The following RANBP2 variants were observed in gnomAD, a reference collection of about 807,000 sequenced individuals.
RANBP2 encodes the protein E3 SUMO-protein ligase RanBP2.
RANBP2 carries 57 observed loss-of-function variants against 303.6 expected under a neutral mutation model. The observed-to-expected ratio is 0.19, with a 90% CI of 0.15 to 0.23. RANBP2 has a LOEUF of 0.23. Among genes scored for constraint, RANBP2 ranks in the 10% least tolerant of loss-of-function variants. The pLI, the probability that RANBP2 is intolerant of heterozygous loss-of-function variation, is 1.00. For synonymous variants in RANBP2, 1,167 were observed against 1,301.5 expected, an observed-to-expected ratio of 0.90 and a Z score of 2.23; for missense variants, 3,138 against 3,780.8, an observed-to-expected ratio of 0.83 and a Z score of 4.46.
the RANBP2 span, among the ~76,000 whole-genome samples, chr2:109,290,019 A>T: frequency 3.4e-3 from 511 of 152,292 alleles, 1 homozygote; most frequent in Non-Finnish European, 3.9e-3. Context: ...TAAAATGCAG[A>T]TTCCGATTCT....
In RANBP2 at chr2:108,751,722, A is replaced by T. The variant is rs1007853517; in HGVS notation, c.1631+19A>T. 6.2e-7 allele frequency: 1 copy of T among 1,610,188 alleles called. No homozygotes were observed. The highest frequency in any genetic ancestry group is 8.5e-7 in the Non-Finnish European group (1 of 1,179,268). On this transcript the variant is annotated intron_variant, in intron 11 of 28. Transcript: ENST00000283195. ...AAGCAGTGTAAGTAGTAAAACAAAA[A>T]TATTGCTTTCACTTAGTGCGTAGGT...
chr2:109,297,661 C>T, the RANBP2 span, among the ~76,000 whole-genome samples: 1 of 151,470 alleles, frequency 6.6e-6, no homozygotes, highest in African/African-American at 2.4e-5. Flanking sequence ...GTGTCCCCCA[C>T]CCTGGTCAGT....
At chr2:109,588,093 AT>A in the RANBP2 span, among the ~76,000 whole-genome samples, 1 of 152,018 alleles carries the variant, frequency 6.6e-6, no homozygotes, top group Admixed American at 6.6e-5. Flanking sequence ...AATGACCCCT[AT>A]AAAATGCCCC....
chr2:109,758,160 T>C, the RANBP2 span, among the ~76,000 whole-genome samples: 2 of 6,066 alleles, frequency 3.3e-4, no homozygotes, highest in East Asian at 3.8e-3. Context: ...CTGGGTGAGG[T>C]GACTCACTTT....
At chr2:108,948,596 G>A in the RANBP2 span, among the ~76,000 whole-genome samples, 1 of 152,160 alleles carries the variant, frequency 6.6e-6, no homozygotes, top group Non-Finnish European at 1.5e-5. Context: ...GGGAAGCAAG[G>A]CACGTCTCAC....
the RANBP2 span, among the ~76,000 whole-genome samples, chr2:109,474,940 T>G: frequency 6.6e-6 from 1 of 152,214 alleles, no homozygotes; most frequent in Non-Finnish European, 1.5e-5. Context: ...CCTTTCAGTG[T>G]TTTTTGTCTT....
At chr2:109,443,403 A>T in the RANBP2 span, among the ~76,000 whole-genome samples, 1 of 152,172 alleles carries the variant, frequency 6.6e-6, no homozygotes, top group African/African-American at 2.4e-5. Flanking sequence ...CGCCTTGTTC[A>T]ACCTCAGCTG....
At chr2:109,488,429 A>G in the RANBP2 span, among the ~76,000 whole-genome samples, 1 of 152,058 alleles carries the variant, frequency 6.6e-6, no homozygotes, top group African/African-American at 2.4e-5. Flanking sequence ...TTCCCACCCC[A>G]GGTACTGCAG....
the RANBP2 span, among the ~76,000 whole-genome samples, chr2:109,632,511 T>C: frequency 3.5e-4 from 54 of 152,262 alleles, no homozygotes; most frequent in Middle Eastern, 3.4e-3. Context: ...TGTCATATTA[T>C]CCATTTAAAA....
rs760089362 is a variant in RANBP2, at chr2:108,763,708, C to T, written c.3169C>T (p.Pro1057Ser). The T allele has an allele frequency of 1.2e-6, 2 of 1,613,962 alleles. No homozygotes were observed. The highest frequency in any genetic ancestry group is 2.7e-5 in the African/African-American group (2 of 74,900). The change falls in exon 20 of 29, where the codon CCT becomes TCT. Residue 1057 changes from proline to serine, a missense_variant. Pro to Ser is a moderately conservative substitution (Grantham distance 74). Coordinates refer to ENST00000283195, the MANE Select transcript of RANBP2 (RefSeq NM_006267.5). ...ACCACAGGTTGTGACACAGCCCCCT[C>T]CTGCAGCTTACAGTAACAGTGAAAG... ...SSPQVVTQPP[P>S]AAYSNSESLL...
chr2:109,338,904 G>T, the RANBP2 span, among the ~76,000 whole-genome samples: 1 of 132,770 alleles, frequency 7.5e-6, no homozygotes, highest in East Asian at 2.3e-4. Flanking sequence ...TTGACCAGAA[G>T]CCTTACTGAT....
At chr2:108,907,649 C>CA in the RANBP2 span, among the ~76,000 whole-genome samples, 10 of 144,108 alleles carry the variant, frequency 6.9e-5, no homozygotes, top group Admixed American at 4.1e-4. Flanking sequence ...CTCTCATCTC[C>CA]AAAAAAAAAA....
chr2:108,942,652 G>A, the RANBP2 span, among the ~76,000 whole-genome samples: 2 of 152,170 alleles, frequency 1.3e-5, no homozygotes, highest in Non-Finnish European at 2.9e-5. Context: ...CACGCCAGAG[G>A]CCTTTCAAGA....
rs1479642475 is a variant in RANBP2, at chr2:108,764,433, T to A, written c.3894T>A (p.Phe1298Leu). The change falls in exon 20 of 29, where the codon TTT becomes TTA. Residue 1298 changes from phenylalanine (F) to leucine (L), a missense_variant. Physicochemically the swap from Phe to Leu is conservative, Grantham distance 22. This residue lies in a region of RANBP2 where 388 missense variants were observed against 328.5 expected (regional missense o/e 1.18). Transcript: ENST00000283195. The part of the protein sequence containing the change: ...PEEAALFKCK[F>L]EEAQSILKAP... ...AAGCAGCACTTTTTAAATGCAAGTTTGAAGAAGCCCAGAGCATTTTAAAAG... is the reference window on the plus strand; with the variant it reads ...AAGCAGCACTTTTTAAATGCAAGTTAGAAGAAGCCCAGAGCATTTTAAAAG... 2 of 1,613,894 alleles carry A rather than the reference T, an allele frequency of 1.2e-6. No individual in the cohort carries two copies. Among genetic ancestry groups the A allele is most frequent in the Non-Finnish European group, 1.7e-6 (2 of 1,179,986 alleles).
the RANBP2 span, chr2:109,614,505 G>C: frequency 4.0e-6 from 5 of 1,252,056 alleles, no homozygotes; most frequent in African/African-American, 7.8e-5. Context: ...GGGGCCGGCA[G>C]AGTGGGGCCC....
chr2:109,468,715 A>G, the RANBP2 span, among the ~76,000 whole-genome samples: 1 of 151,838 alleles, frequency 6.6e-6, no homozygotes, highest in Non-Finnish European at 1.5e-5. Flanking sequence ...TGAGCCAGGC[A>G]TGGTGGCGGG....
chr2:109,563,013 T>C, the RANBP2 span, among the ~76,000 whole-genome samples: 40 of 151,988 alleles, frequency 2.6e-4, no homozygotes, highest in African/African-American at 8.0e-4. Context: ...CAGGTTCAAG[T>C]GATTCTCCTA....
the RANBP2 span, among the ~76,000 whole-genome samples, chr2:109,465,957 A>G: frequency 2.0e-5 from 3 of 150,646 alleles, no homozygotes; most frequent in Admixed American, 2.0e-4. Flanking sequence ...ACCAGACCCC[A>G]CCTCTAACAC....
At chr2:109,021,367 C>CA in the RANBP2 span, among the ~76,000 whole-genome samples, 9 of 151,924 alleles carry the variant, frequency 5.9e-5, no homozygotes, top group African/African-American at 2.2e-4. Flanking sequence ...TCTAAACATA[C>CA]AAAAAAGTAG....
Sources: gnomAD v4.1 joint callset for allele counts (sites outside exome capture counted in the v4.1 genomes callset) on GRCh38, gnomAD v4.1.1 for gene constraint, gnomAD v4.1.1 regional missense constraint, MANE v1.5 for transcripts, NCBI Gene and HGNC (gene_info 2026-07-23, HGNC 2026-07-21) for gene names.